NR2F6: variants seen among roughly 807,000 people sequenced by gnomAD.
The protein encoded by NR2F6 is nuclear receptor subfamily 2 group F member 6.
A neutral mutation model predicts 26.5 loss-of-function variants in NR2F6; 16 were observed. That is an observed-to-expected ratio of 0.60 (90% confidence interval 0.41 to 0.92). The LOEUF (loss-of-function observed/expected upper bound fraction) is 0.92, where lower values mean the gene tolerates loss of function less well. NR2F6 is among the 40% of genes least tolerant of loss of function. NR2F6 has a pLI of 0.00. For synonymous variants in NR2F6, 325 were observed against 305.0 expected, an observed-to-expected ratio of 1.07 and a Z score of -0.68; for missense variants, 536 against 631.7, an observed-to-expected ratio of 0.85 and a Z score of 1.62.
chr19:17,235,605 G>A lies in NR2F6; in HGVS notation c.834C>T (p.Phe278=). ...CCTGGAAGGCGCGCACCTGGTCCAT[G>A]AAAGCCACGGCGCGCTCGGCGGCCA... The part of the protein sequence containing the change: ...APMAAERAVA[F]MDQVRAFQEQ... Residue 278 remains phenylalanine (F), a synonymous_variant, in exon 3 of 4, where the codon TTC becomes TTT. Transcript: ENST00000291442. This position sits in a 1 kb window ranked among gnomAD's most constrained non-coding sequence, Gnocchi z 5.0. 1 of 1,571,452 alleles carries A rather than the reference G, an allele frequency of 6.4e-7. No individual in the cohort carries two copies. Among genetic ancestry groups the A allele is most frequent in the Non-Finnish European group, 8.6e-7 (1 of 1,167,452 alleles).
At chr19:17,233,719 C>T (rs909218650) in intron 3 of NR2F6, among the ~76,000 whole-genome samples, 2 of 151,898 alleles carry the variant, frequency 1.3e-5, no homozygotes, top group Non-Finnish European at 2.9e-5. Flanking sequence ...TGGTCTTGAA[C>T]TCCTGACCTC....
chr19:17,238,975 C>T (rs780572754), intron 2 of NR2F6, among the ~76,000 whole-genome samples: 17 of 152,158 alleles, frequency 1.1e-4, no homozygotes, highest in African/African-American at 2.6e-4. Flanking sequence ...CTGAGGCGAG[C>T]GGATCACCTG....
At chr19:17,240,559 C>G (rs2073463426) in intron 2 of NR2F6, 112 bp downstream of exon 2, 5 of 1,163,606 alleles carry the variant, frequency 4.3e-6, no homozygotes, top group Admixed American at 3.5e-5. Flanking sequence ...CACCCAGACC[C>G]CTGTGAAAGG....
intron 2 of NR2F6, among the ~76,000 whole-genome samples, chr19:17,239,602 C>T (rs1332766062): frequency 2.0e-5 from 3 of 150,960 alleles, no homozygotes; most frequent in African/African-American, 7.3e-5. Flanking sequence ...TGCAGTGAGC[C>T]GAGATCATGC....
chr19:17,243,632 G>A (rs2073480532), intron 1 of NR2F6, among the ~76,000 whole-genome samples: 1 of 152,212 alleles, frequency 6.6e-6, no homozygotes, highest in Non-Finnish European at 1.5e-5. Flanking sequence ...TTGTGCTGGA[G>A]GAGGGAGCAA....
intron 2 of NR2F6, among the ~76,000 whole-genome samples, chr19:17,239,389 GC>G (rs2073456957): frequency 6.8e-6 from 1 of 146,856 alleles, no homozygotes; most frequent in African/African-American, 2.5e-5. Flanking sequence ...GGGCGCGGTG[GC>G]TTACGCCTGT....
Position 17,240,777 on chromosome 19 carries a change from C to G in NR2F6, c.279-12G>C. 1.9e-6 allele frequency: 3 copies of G among 1,613,088 alleles called. No individual in the cohort carries two copies. Among genetic ancestry groups the G allele is most frequent in the Non-Finnish European group, 2.5e-6 (3 of 1,179,396 alleles). ...AGTCACGGTTGGACCTGGGGGCACA[C>G]AGAAGCCAGGGCTCCCTGAGACCCC... On this transcript the variant is annotated splice_polypyrimidine_tract_variant and intron_variant, in intron 1 of 3. Coordinates refer to ENST00000291442, the MANE Select transcript of NR2F6 (RefSeq NM_005234.4).
intron 1 of NR2F6, among the ~76,000 whole-genome samples, chr19:17,242,566 C>A (rs189113720): frequency 1.3e-5 from 2 of 152,212 alleles, no homozygotes; most frequent in East Asian, 1.9e-4. Flanking sequence ...CCGTACCCCC[C>A]CTCCACCACT....
At position 17,240,686 on chromosome 19, in the gene NR2F6, C is replaced by A; in HGVS notation, c.358G>T (p.Gly120Cys). The A allele has an allele frequency of 6.2e-7, 1 of 1,614,204 alleles. No homozygotes were observed. The highest frequency in any genetic ancestry group is 1.1e-5 in the South Asian group (1 of 91,088). Residue 120 changes from glycine to cysteine, a missense_variant, in exon 2 of 4, where the codon GGC becomes TGC. By Grantham distance (159) the Gly-to-Cys change is radical. Transcript: ENST00000291442. ...YCRLKKCFRV[G>C]MRKEAVQRGR... ...ACGTACTCACCCTCCTTCCTCATGCCCACCCGGAAGCACTTCTTGAGACGG... is the reference window on the plus strand; with the variant it reads ...ACGTACTCACCCTCCTTCCTCATGCACACCCGGAAGCACTTCTTGAGACGG...
chr19:17,242,562 C>G (rs915004246), intron 1 of NR2F6, among the ~76,000 whole-genome samples: 9 of 152,228 alleles, frequency 5.9e-5, no homozygotes, highest in African/African-American at 2.2e-4. Context: ...TCCCCCGTAC[C>G]CCCCCTCCAC....
chr19:17,244,025 G>A (rs188401665), intron 1 of NR2F6, among the ~76,000 whole-genome samples: 7 of 152,092 alleles, frequency 4.6e-5, no homozygotes, highest in East Asian at 1.9e-4. Flanking sequence ...GCCCGGGAAC[G>A]GTGAGAAAAG....
chr19:17,237,536 C>A (rs2073446190), intron 2 of NR2F6, among the ~76,000 whole-genome samples: 1 of 152,036 alleles, frequency 6.6e-6, no homozygotes, highest in African/African-American at 2.4e-5. Context: ...CTCAGCCTCC[C>A]GAGTAGCTGG....
intron 1 of NR2F6, among the ~76,000 whole-genome samples, 163 bp downstream of exon 1, chr19:17,244,780 C>T (rs1320842745): frequency 1.3e-5 from 2 of 152,226 alleles, no homozygotes; most frequent in Non-Finnish European, 2.9e-5. Context: ...TATACACAAT[C>T]CCAGCCATGG....
intron 3 of NR2F6, among the ~76,000 whole-genome samples, chr19:17,234,201 C>T (rs970313982): frequency 2.8e-5 from 4 of 143,994 alleles, no homozygotes; most frequent in African/African-American, 7.8e-5. Context: ...CCAGCCTGGG[C>T]GACGGAGTAA....
chr19:17,235,803 G>A lies in NR2F6; in HGVS notation c.636C>T (p.Ser212=). 1.3e-6 allele frequency: 2 copies of A among 1,485,392 alleles called. No homozygotes were observed. Among genetic ancestry groups the A allele is most frequent in the South Asian group, 1.3e-5 (1 of 78,932 alleles). 92.0% of individuals were successfully genotyped at this position (1,485,392 alleles called of 1,614,324 possible). A position where few individuals can be genotyped will look rare whatever the true frequency, so the allele number is the denominator to read the frequency against. Residue 212 remains serine, a synonymous_variant, in exon 3 of 4, where the codon AGC becomes AGT. Transcript: ENST00000291442. The surrounding 1 kb of genome is among the most constrained non-coding windows in gnomAD (Gnocchi z 5.0). ...VCELAARLLF[S]TVEWARHAPF... is the part of the protein sequence containing the mutation. ...GCGCGTGGCGCGCCCACTCCACGGT[G>A]CTGAAGAGCAGCCGCGCCGCCAGCT...
intron 2 of NR2F6, among the ~76,000 whole-genome samples, chr19:17,237,771 T>C (rs2073447772): frequency 6.6e-6 from 1 of 152,124 alleles, no homozygotes; most frequent in Non-Finnish European, 1.5e-5. Flanking sequence ...GCCCAGACTG[T>C]GGAGGTTCAA....
At chr19:17,236,255 G>GCGGAA (rs2073437996) in intron 2 of NR2F6, among the ~76,000 whole-genome samples, 190 bp from the exon 3 acceptor site, 1 of 124,414 alleles carries the variant, frequency 8.0e-6, no homozygotes. Context: ...CCGGAAGAGG[G>GCGGAA]GGGATGAGGG....
At chr19:17,239,690 G>GT (rs2073458950) in intron 2 of NR2F6, among the ~76,000 whole-genome samples, 1 of 151,360 alleles carries the variant, frequency 6.6e-6, no homozygotes, top group Admixed American at 6.6e-5. Context: ...GTGTTGGCCC[G>GT]TATCTGTAGT....
At chr19:17,237,926 G>A (rs1422787136) in intron 2 of NR2F6, among the ~76,000 whole-genome samples, 1 of 152,236 alleles carries the variant, frequency 6.6e-6, no homozygotes, top group East Asian at 1.9e-4. Flanking sequence ...GATCGCTTGA[G>A]CCCAGGAGTT....
Sources: allele counts gnomAD v4.1 joint callset (sites outside exome capture counted in the v4.1 genomes callset), GRCh38; gene constraint gnomAD v4.1.1; non-coding constraint Gnocchi (gnomAD v3.1); transcripts MANE v1.5; gene names NCBI Gene and HGNC (gene_info 2026-07-23, HGNC 2026-07-21).